Variants in UTP15 observed in about 807,000 individuals in gnomAD.
UTP15 encodes UTP15 small subunit processome component, also known as U3 small nucleolar RNA-associated protein 15 homolog.
UTP15 carries 5 observed loss-of-function variants against 59.1 expected under a neutral mutation model. That is an observed-to-expected ratio of 0.08 (90% CI 0.04 to 0.18). The LOEUF (loss-of-function observed/expected upper bound fraction) is 0.18. Among genes scored for constraint, UTP15 ranks in the 10% least tolerant of loss-of-function variants. UTP15 has a pLI of 1.00. For synonymous variants in UTP15, 211 were observed against 212.2 expected (o/e 0.99, Z 0.05); for missense variants, 494 against 616.7 (o/e 0.80, Z 2.11).
intron 6 of UTP15, 81 bp from the exon 7 acceptor site, chr5:73,572,392 ATGCTTTGTGGAGTGTC>A: frequency 6.6e-7 from 1 of 1,505,492 alleles, no homozygotes; most frequent in Non-Finnish European, 9.0e-7. Context: ...CTCAGCCTCC[ATGCTTTGTGGAGTGTC>A]CAGAGAAGAA....
In UTP15 at chr5:73,578,892, C is replaced by G. The variant is rs770890288; in HGVS notation, c.1146+40C>G. ...TTTAAAAAATCATGTTATTACTTAC[C>G]CTGCATATTACCATGACTTGGAACT... On this transcript the variant is annotated intron_variant, in intron 10 of 12. Transcript: ENST00000296792. 4.4e-6 allele frequency: 7 copies of G among 1,582,884 alleles called. No homozygotes were observed. In the East Asian group the frequency reaches 1.6e-4, roughly 35 times the overall value.
At position 73,570,607 on chromosome 5, in the gene UTP15, A is replaced by G. The variant is rs372703321; in HGVS notation, c.569A>G (p.Lys190Arg). The change falls in exon 6 of 13, where the codon AAG becomes AGG. Residue 190 changes from lysine to arginine, a missense_variant. Transcript: ENST00000296792. ...TTAGGATCATATGATCATACTGTGA[A>G]GATGTTTGATGCACGAACGAGTGAG... ...FITGSYDHTV[K>R]MFDARTSESV... The G allele has an allele frequency of 3.1e-6, 5 of 1,614,082 alleles. No individual in the cohort carries two copies. The highest frequency in any genetic ancestry group is 1.6e-4 in the Middle Eastern group (1 of 6,084).
In UTP15 at chr5:73,568,218, T is replaced by G. The variant is rs1446084812; in HGVS notation, c.91-17T>G. The G allele has an allele frequency of 6.3e-7, 1 of 1,583,410 alleles. No homozygotes were observed. Among genetic ancestry groups the G allele is most frequent in the Admixed American group, 1.8e-5 (1 of 55,996 alleles). On this transcript the variant is annotated splice_polypyrimidine_tract_variant and intron_variant, in intron 2 of 12. Coordinates refer to ENST00000296792, the MANE Select transcript of UTP15 (RefSeq NM_032175.4). Reference sequence around the variant, plus strand: ...ACCAGTGGTAACTCTGTTAACACACTATTATTTTTTATTAAGACCCCTGTT... The same window carrying G: ...ACCAGTGGTAACTCTGTTAACACACGATTATTTTTTATTAAGACCCCTGTT...
intron 6 of UTP15, 77 bp from the exon 7 acceptor site, chr5:73,572,412 A>T: frequency 6.4e-7 from 1 of 1,567,564 alleles, no homozygotes; most frequent in Non-Finnish European, 8.7e-7. Flanking sequence ...GAGTGTCCAG[A>T]GAAGAATGCT....
At chr5:73,570,060 G>C (rs1747887505) in intron 5 of UTP15, among the ~76,000 whole-genome samples, 1 of 152,102 alleles carries the variant, frequency 6.6e-6, no homozygotes, top group African/African-American at 2.4e-5. Flanking sequence ...TCGAACTCCT[G>C]GGCTCAAGTG....
At chr5:73,569,886 G>T (rs1028918760) in intron 5 of UTP15, among the ~76,000 whole-genome samples, 1 of 152,120 alleles carries the variant, frequency 6.6e-6, no homozygotes, top group Non-Finnish European at 1.5e-5. Flanking sequence ...AGGCTGGAGT[G>T]CAGTGATGTG....
intron 7 of UTP15, among the ~76,000 whole-genome samples, chr5:73,575,512 A>C (rs1001392620): frequency 5.3e-5 from 8 of 151,888 alleles, no homozygotes; most frequent in Non-Finnish European, 1.0e-4. Context: ...TCTGAGGTTG[A>C]GAATCCCTGA....
chr5:73,579,356 T>C lies in UTP15; in HGVS notation c.1320T>C (p.Asn440=), dbSNP rs188496572. The change falls in exon 12 of 13, where the codon AAT becomes AAC. Residue 440 remains asparagine, a synonymous_variant. Transcript: ENST00000296792. ...SQPRFAPVLI[N]AAEIIIDIYL... is the part of the protein sequence containing the mutation. ...CAAGATTTGCCCCTGTTTTAATCAATGCTGCTGAAATAATTATTGGTAAGT... is the reference window on the plus strand; with the variant it reads ...CAAGATTTGCCCCTGTTTTAATCAACGCTGCTGAAATAATTATTGGTAAGT... 1.9e-5 allele frequency: 30 copies of C among 1,609,288 alleles called. No homozygotes were observed. In the Admixed American group the frequency reaches 4.2e-4, roughly 23 times the overall value.
chr5:73,577,622 T>A (rs1561279509), intron 8 of UTP15, among the ~76,000 whole-genome samples: 1 of 152,180 alleles, frequency 6.6e-6, no homozygotes, highest in Non-Finnish European at 1.5e-5. Context: ...ATACAAACTT[T>A]GCCAGTGATA....
chr5:73,578,874 AATC>A (rs1459393163), intron 10 of UTP15, 22 bp downstream of exon 10: 1 of 1,586,040 alleles, frequency 6.3e-7, no homozygotes, highest in Non-Finnish European at 8.7e-7. Context: ...TTTTTTAAAA[AATC>A]ATGTTATTAC....
intron 10 of UTP15, 38 bp downstream of exon 10, chr5:73,578,890 AC>A: frequency 6.3e-7 from 1 of 1,585,766 alleles, no homozygotes; most frequent in Non-Finnish European, 8.7e-7. Flanking sequence ...GTTATTACTT[AC>A]CCTGCATATT....
chr5:73,579,405 A>T, intron 12 of UTP15, 30 bp downstream of exon 12: 2 of 1,531,564 alleles, frequency 1.3e-6, no homozygotes, highest in Non-Finnish European at 1.8e-6. Flanking sequence ...TGAAAATCCT[A>T]ACATGCTTGC....
chr5:73,566,143 T>G (rs1747754253), intron 1 of UTP15: 2 of 255,872 alleles, frequency 7.8e-6, no homozygotes, highest in South Asian at 7.8e-5. Context: ...TCCAAGGCAA[T>G]GGACACATTT....
chr5:73,572,782 A>C lies in UTP15; in HGVS notation c.809+158A>C, dbSNP rs577048937. ...TGAAAATAGTTTTGACCTTTTGTTT[A>C]CATATAGCTACTTCTTTTCTTTTCT... On this transcript the variant is annotated intron_variant, in intron 7 of 12. Transcript: ENST00000296792. Among the ~76,000 whole-genome samples the C allele has an allele frequency of 1.1e-4, 16 of 152,188 alleles. No homozygotes were observed. The South Asian group carries it at 3.3e-3, about 32-fold the overall frequency.
chr5:73,573,126 C>T (rs1009017444), intron 7 of UTP15, among the ~76,000 whole-genome samples: 1 of 151,934 alleles, frequency 6.6e-6, no homozygotes, highest in African/African-American at 2.4e-5. Context: ...TCCTTTGACA[C>T]AATTTGTTTT....
chr5:73,575,703 T>C (rs1361642514), intron 7 of UTP15, among the ~76,000 whole-genome samples: 5 of 151,690 alleles, frequency 3.3e-5, no homozygotes, highest in African/African-American at 7.3e-5. Flanking sequence ...GGCTTTGTGA[T>C]GTGCTTTCAT....
chr5:73,578,083 A>T, intron 9 of UTP15, 78 bp downstream of exon 9: 1 of 1,467,794 alleles, frequency 6.8e-7, no homozygotes, highest in Non-Finnish European at 9.2e-7. Flanking sequence ...ACATTACTGG[A>T]AAGCGTAGTT....
At chr5:73,578,670 T>A (rs1748201489) in intron 9 of UTP15, 81 bp from the exon 10 acceptor site, 6 of 1,211,996 alleles carry the variant, frequency 5.0e-6, no homozygotes, top group Non-Finnish European at 7.2e-6. Context: ...AGATACCACT[T>A]CATTATGAAA....
At chr5:73,571,461 G>A (rs1486090685) in intron 6 of UTP15, among the ~76,000 whole-genome samples, 2 of 151,698 alleles carry the variant, frequency 1.3e-5, no homozygotes, top group African/African-American at 4.8e-5. Context: ...AAGTAAATTG[G>A]CTTTTTTCAT....
Sources: allele counts gnomAD v4.1 joint callset (sites outside exome capture counted in the v4.1 genomes callset), GRCh38; gene constraint gnomAD v4.1.1; transcripts MANE v1.5; gene names NCBI Gene and HGNC (gene_info 2026-07-23, HGNC 2026-07-21).